MGMT: variants seen among roughly 807,000 people sequenced by gnomAD.
MGMT encodes methylated-DNA--protein-cysteine methyltransferase.
A neutral mutation model predicts 15.9 loss-of-function variants in MGMT; 14 were observed. The ratio of observed to expected loss-of-function variants is 0.88; its 90% CI spans 0.58 to 1.37. The LOEUF (loss-of-function observed/expected upper bound fraction) is 1.37. MGMT is among the 40% of genes most tolerant of loss of function. The pLI, the probability that MGMT is intolerant of heterozygous loss-of-function variation, is 0.00. For synonymous variants in MGMT, 130 were observed against 118.2 expected, an observed-to-expected ratio of 1.10 and a Z score of -0.65; for missense variants, 282 against 268.1, an observed-to-expected ratio of 1.05 and a Z score of -0.36.
Position 129,761,385 on chromosome 10 carries a change from G to GT in MGMT, c.414+2045dup, listed in dbSNP as rs1848871486. 2.0e-5 allele frequency among the ~76,000 whole-genome samples: 3 copies of GT among 152,228 alleles called. No individual in the cohort carries two copies. The South Asian group carries it at 6.2e-4, about 31-fold the overall frequency. ...TTGTGTGTGCAGCTCCCCTTTTGCT[G>GT]TAAGGACAAGCTCCACTAACTGACA... On this transcript the variant is annotated intron_variant, in intron 4 of 4. Transcript: ENST00000651593.
At chr10:129,579,688 A>T (rs1325538249) in intron 2 of MGMT, among the ~76,000 whole-genome samples, 3 of 152,186 alleles carry the variant, frequency 2.0e-5, no homozygotes, top group Non-Finnish European at 4.4e-5. Flanking sequence ...GAGCCTTACT[A>T]TTATATGCTC....
chr10:129,668,323 C>T (rs1463368576), intron 2 of MGMT, among the ~76,000 whole-genome samples: 1 of 151,682 alleles, frequency 6.6e-6, no homozygotes, highest in Non-Finnish European at 1.5e-5. Context: ...GTATAAAAAC[C>T]ATTCTTAGAT....
intron 3 of MGMT, among the ~76,000 whole-genome samples, chr10:129,756,025 C>T (rs1848802152): frequency 2.0e-5 from 3 of 152,184 alleles, no homozygotes; most frequent in Admixed American, 1.3e-4. Flanking sequence ...GAAAACACCT[C>T]GCATAAAAAC....
chr10:129,681,349 T>TTTCCGTCCCATAGAGACCATGC, intron 2 of MGMT, among the ~76,000 whole-genome samples: 1 of 152,194 alleles, frequency 6.6e-6, no homozygotes, highest in African/African-American at 2.4e-5. Flanking sequence ...GCACGCCATG[T>TTTCCGTCCCATAGAGACCATGC]TTCCGTCCCA....
intron 2 of MGMT, among the ~76,000 whole-genome samples, chr10:129,560,566 G>A (rs143841013): frequency 3.5e-4 from 53 of 152,232 alleles, no homozygotes; most frequent in Non-Finnish European, 5.4e-4. Flanking sequence ...ACTCTCCTTC[G>A]TTCTTTTGCT....
rs982543647 is a variant in MGMT at position 129,581,955 on chromosome 10, G to A, written c.125+45578G>A. Among the ~76,000 whole-genome samples, 20 of 152,196 alleles carry A rather than the reference G, an allele frequency of 1.3e-4. 1 individual carries two copies. The highest frequency in any genetic ancestry group is 4.1e-4 in the African/African-American group (17 of 41,458). On this transcript the variant is annotated intron_variant, in intron 2 of 4. Coordinates refer to ENST00000651593, the MANE Select transcript of MGMT (RefSeq NM_002412.5). ...GTTGACTTTCTGCTGCCTGGCCGGC[G>A]TCTTGTAGGAGGCGCTCTGCCTGTC...
chr10:129,756,301 C>T (rs1255563310), intron 3 of MGMT, among the ~76,000 whole-genome samples: 1 of 152,140 alleles, frequency 6.6e-6, no homozygotes, highest in African/African-American at 2.4e-5. Context: ...CACCACAGGA[C>T]AGGCAGGAGG....
chr10:129,567,831 A>G (rs1235663476), intron 2 of MGMT, among the ~76,000 whole-genome samples: 1 of 152,224 alleles, frequency 6.6e-6, no homozygotes, highest in Non-Finnish European at 1.5e-5. Flanking sequence ...TATGAAGACC[A>G]TATCTTAAAA....
intron 2 of MGMT, among the ~76,000 whole-genome samples, chr10:129,624,562 C>T (rs1440510135): frequency 4.6e-5 from 7 of 152,104 alleles, no homozygotes; most frequent in Non-Finnish European, 2.9e-5. Context: ...AAATGGAGGG[C>T]CAAGAAACCT....
intron 2 of MGMT, among the ~76,000 whole-genome samples, chr10:129,658,908 G>A (rs1323049885): frequency 6.6e-6 from 1 of 152,106 alleles, no homozygotes; most frequent in African/African-American, 2.4e-5. Flanking sequence ...AGCATTCAAG[G>A]CCTCCCAGGT....
intron 2 of MGMT, among the ~76,000 whole-genome samples, chr10:129,646,847 G>A (rs540731516): frequency 2.7e-5 from 4 of 150,350 alleles, no homozygotes; most frequent in Admixed American, 2.0e-4. Context: ...GAGAGCGGCG[G>A]CTTTCCTCTT....
intron 1 of MGMT, among the ~76,000 whole-genome samples, chr10:129,524,352 G>A (rs1031152207): frequency 1.3e-5 from 2 of 152,132 alleles, no homozygotes; most frequent in Non-Finnish European, 2.9e-5. Flanking sequence ...ACAATTAGCT[G>A]CAGGACGCAC....
chr10:129,717,168 A>G (rs1212486222), intron 3 of MGMT, among the ~76,000 whole-genome samples: 1 of 152,210 alleles, frequency 6.6e-6, no homozygotes, highest in Non-Finnish European at 1.5e-5. Context: ...ATCAAGACCA[A>G]TTACGGTATC....
At chr10:129,485,523 C>T (rs1485738918) in intron 1 of MGMT, among the ~76,000 whole-genome samples, 1 of 152,216 alleles carries the variant, frequency 6.6e-6, no homozygotes, top group South Asian at 2.1e-4. Flanking sequence ...ATCTGAAATG[C>T]TACAGCATCT....
chr10:129,520,935 A>T (rs1298071516), intron 1 of MGMT, among the ~76,000 whole-genome samples: 1 of 151,572 alleles, frequency 6.6e-6, no homozygotes, highest in Admixed American at 6.6e-5. Context: ...GTGCGGGTAC[A>T]CAGCCCCTAA....
At chr10:129,716,529 G>A (rs1422157290) in intron 3 of MGMT, among the ~76,000 whole-genome samples, 1 of 152,196 alleles carries the variant, frequency 6.6e-6, no homozygotes, top group African/African-American at 2.4e-5. Flanking sequence ...TCCTCACTTA[G>A]ATGGTTTTAG....
chr10:129,536,997 TC>T (rs1249725806), intron 2 of MGMT: 2 of 152,222 alleles, frequency 1.3e-5, no homozygotes, highest in Non-Finnish European at 2.9e-5. Context: ...TACATGTTTC[TC>T]TTTTTGTGAA....
chr10:129,596,763 G>A (rs1345131509), intron 2 of MGMT, among the ~76,000 whole-genome samples: 1 of 152,196 alleles, frequency 6.6e-6, no homozygotes, highest in Non-Finnish European at 1.5e-5. Flanking sequence ...GGTCGTGCTT[G>A]CGTTTCAGGC....
At chr10:129,620,628 T>C (rs931629844) in intron 2 of MGMT, among the ~76,000 whole-genome samples, 1 of 152,240 alleles carries the variant, frequency 6.6e-6, no homozygotes, top group Non-Finnish European at 1.5e-5. Flanking sequence ...TACTTTGATA[T>C]TAATATTGCT....
Sources: gnomAD v4.1 joint callset for allele counts (sites outside exome capture counted in the v4.1 genomes callset) on GRCh38, gnomAD v4.1.1 for gene constraint, MANE v1.5 for transcripts, NCBI Gene and HGNC (gene_info 2026-07-23, HGNC 2026-07-21) for gene names.